Variants in DTNA observed in about 807,000 individuals in gnomAD.
The protein encoded by DTNA is dystrophin-related protein 3.
DTNA carries 43 observed loss-of-function variants against 100.7 expected under a neutral mutation model. The observed-to-expected ratio is 0.43, with a 90% confidence interval of 0.33 to 0.55. The LOEUF is 0.55. Ranked by LOEUF, DTNA falls within the 20% of genes least tolerant of loss-of-function variation. The pLI is 0.04. For synonymous variants in DTNA, 349 were observed against 347.9 expected (o/e 1.00, Z -0.04); for missense variants, 798 against 953.9 (o/e 0.84, Z 2.15).
chr18:34,794,797 C>T (rs2094899563), intron 4 of DTNA, among the ~76,000 whole-genome samples: 1 of 152,142 alleles, frequency 6.6e-6, no homozygotes, highest in African/African-American at 2.4e-5. Flanking sequence ...TGAAGCTCAG[C>T]TTCATTTTTG....
intron 1 of DTNA, among the ~76,000 whole-genome samples, chr18:34,634,890 C>T (rs946988194): frequency 6.6e-6 from 1 of 152,070 alleles, no homozygotes; most frequent in Non-Finnish European, 1.5e-5. Context: ...ATAGTCACTG[C>T]GTTGTGCTGA....
chr18:34,829,724 A>G (rs1045279336), intron 11 of DTNA, among the ~76,000 whole-genome samples: 2 of 152,122 alleles, frequency 1.3e-5, no homozygotes, highest in African/African-American at 4.8e-5. Flanking sequence ...TATATAAGAG[A>G]TGTATATATG....
chr18:34,811,837 A>G, intron 5 of DTNA, 122 bp from the exon 6 acceptor site: 1 of 1,167,628 alleles, frequency 8.6e-7, no homozygotes, highest in Non-Finnish European at 1.2e-6. Flanking sequence ...TAGCTTTTAT[A>G]TTATTCTTTC....
chr18:34,612,823 A>G (rs191040271), intron 1 of DTNA, among the ~76,000 whole-genome samples: 1 of 152,364 alleles, frequency 6.6e-6, no homozygotes, highest in East Asian at 1.9e-4. Context: ...AAATGAAGAT[A>G]CTATACTCAT....
At chr18:34,650,986 C>G (rs2060378768) in intron 1 of DTNA, among the ~76,000 whole-genome samples, 1 of 152,092 alleles carries the variant, frequency 6.6e-6, no homozygotes, top group Non-Finnish European at 1.5e-5. Flanking sequence ...TTACACTTAC[C>G]TCTTGAAACA....
chr18:34,746,010 T>C (rs2091512510), intron 1 of DTNA, among the ~76,000 whole-genome samples: 1 of 152,176 alleles, frequency 6.6e-6, no homozygotes, highest in Non-Finnish European at 1.5e-5. Context: ...GCTCAGTCAC[T>C]TGAAAAAATT....
intron 1 of DTNA, among the ~76,000 whole-genome samples, chr18:34,606,392 A>T (rs924479007): frequency 2.0e-5 from 3 of 152,232 alleles, no homozygotes; most frequent in African/African-American, 7.2e-5. Flanking sequence ...AATATTTCAC[A>T]ACAAAAAATG....
chr18:34,598,602 C>T (rs1297817924), intron 1 of DTNA, among the ~76,000 whole-genome samples: 1 of 152,116 alleles, frequency 6.6e-6, no homozygotes, highest in Non-Finnish European at 1.5e-5. Context: ...CATTGGTTCA[C>T]GCCTGTAATT....
chr18:34,825,913 A>G (rs983332060), intron 9 of DTNA, among the ~76,000 whole-genome samples: 4 of 152,182 alleles, frequency 2.6e-5, no homozygotes, highest in Admixed American at 1.3e-4. Flanking sequence ...TTAAAATCTA[A>G]CAGACCAAAC....
chr18:34,713,581 T>C (rs2083332519), intron 1 of DTNA, among the ~76,000 whole-genome samples: 1 of 151,706 alleles, frequency 6.6e-6, no homozygotes, highest in Admixed American at 6.6e-5. Context: ...CCTCCAGCTT[T>C]GTTCTTTTGG....
At chr18:34,867,960 A>G (rs1281546734) in intron 17 of DTNA, 2 of 985,402 alleles carry the variant, frequency 2.0e-6, no homozygotes, top group Non-Finnish European at 2.4e-6. Context: ...GAGTTTGCCT[A>G]TTTCACTTAT....
rs772434563 is a variant in DTNA at position 34,882,144 on chromosome 18, G to A, written c.2238G>A (p.Glu746=). ...NYENDSVRQL[E]NELQMEEYLK... ...AAAATGACTCTGTCCGGCAGCTGGAGAATGAGCTCCAGATGGAGGAATACC... is the reference window on the plus strand; with the variant it reads ...AAAATGACTCTGTCCGGCAGCTGGAAAATGAGCTCCAGATGGAGGAATACC... The change falls in exon 21 of 23, where the codon GAG becomes GAA. Residue 746 remains glutamate (E), a synonymous_variant. Coordinates refer to ENST00000444659, the MANE Select transcript of DTNA (RefSeq NM_001386795.1). 6.8e-6 allele frequency: 11 copies of A among 1,614,088 alleles called. No homozygotes were observed. Among genetic ancestry groups the A allele is most frequent in the Non-Finnish European group, 9.3e-6 (11 of 1,180,000 alleles).
chr18:34,623,431 C>G (rs2056847511), intron 1 of DTNA, among the ~76,000 whole-genome samples: 2 of 152,140 alleles, frequency 1.3e-5, no homozygotes, highest in African/African-American at 4.8e-5. Flanking sequence ...ATGTATAGTA[C>G]AAAAATTTTC....
intron 1 of DTNA, among the ~76,000 whole-genome samples, chr18:34,547,870 G>C (rs1384814538): frequency 6.6e-6 from 1 of 152,160 alleles, no homozygotes; most frequent in Non-Finnish European, 1.5e-5. Flanking sequence ...GGTGCAATCT[G>C]TCTCTGCATA....
intron 1 of DTNA, among the ~76,000 whole-genome samples, chr18:34,669,491 T>A (rs144209396): frequency 2.1e-3 from 323 of 152,262 alleles, no homozygotes; most frequent in African/African-American, 7.7e-3. Context: ...GGTTATTTTG[T>A]TCGTTAGTTG....
intron 1 of DTNA, among the ~76,000 whole-genome samples, chr18:34,647,256 C>T (rs1224981130): frequency 3.9e-5 from 6 of 152,126 alleles, no homozygotes; most frequent in African/African-American, 1.4e-4. Context: ...CCTGAAATGT[C>T]TCCACCTACC....
chr18:34,699,039 T>A (rs2081004274), intron 1 of DTNA, among the ~76,000 whole-genome samples: 1 of 151,500 alleles, frequency 6.6e-6, no homozygotes, highest in Non-Finnish European at 1.5e-5. Context: ...TGATTATATC[T>A]GAAAAGACTT....
chr18:34,824,876 A>G (rs1391493656), intron 9 of DTNA, among the ~76,000 whole-genome samples: 3 of 151,178 alleles, frequency 2.0e-5, no homozygotes, highest in Admixed American at 1.3e-4. Flanking sequence ...TGGCAAAAAT[A>G]TGGCACAGTC....
intron 18 of DTNA, among the ~76,000 whole-genome samples, chr18:34,877,281 A>G (rs925429807): frequency 6.6e-6 from 1 of 152,198 alleles, no homozygotes; most frequent in Non-Finnish European, 1.5e-5. Flanking sequence ...GGGCTCAGCC[A>G]CCAGGTAAGG....
Sources: gnomAD v4.1 joint callset for allele counts (sites outside exome capture counted in the v4.1 genomes callset) on GRCh38, gnomAD v4.1.1 for gene constraint, MANE v1.5 for transcripts, NCBI Gene and HGNC (gene_info 2026-07-23, HGNC 2026-07-21) for gene names.